Variants in GAS2 observed in about 807,000 individuals in gnomAD.
GAS2 encodes the protein growth arrest-specific protein 2.
GAS2 carries 20 observed loss-of-function variants against 37.5 expected under a neutral mutation model. The ratio of observed to expected loss-of-function variants is 0.53; its 90% CI spans 0.37 to 0.77. The LOEUF is 0.77. GAS2 is among the 30% of genes least tolerant of loss of function. The pLI, the probability that GAS2 is intolerant of heterozygous loss-of-function variation, is 0.00. For missense variants in GAS2, 336 were observed against 373.4 expected (o/e 0.90, Z 0.82); for synonymous variants, 144 against 132.2 (o/e 1.09, Z -0.61).
chr11:22,789,425 G>GAGAT (rs1435201668), intron 7 of GAS2, among the ~76,000 whole-genome samples: 2 of 30,662 alleles, frequency 6.5e-5, no homozygotes, highest in African/African-American at 1.8e-4. Context: ...TCTCATATGA[G>GAGAT]ATATATATAT....
chr11:22,803,997 G>A (rs986351285), intron 7 of GAS2, among the ~76,000 whole-genome samples: 10 of 151,746 alleles, frequency 6.6e-5, no homozygotes, highest in Non-Finnish European at 1.2e-4. Context: ...ATTGTGAGAT[G>A]CATGTAACAG....
At chr11:22,764,490 G>A (rs10741951) in intron 7 of GAS2, among the ~76,000 whole-genome samples, 111,143 of 148,892 alleles carry the variant, frequency 0.75, 42,469 homozygotes, top group Middle Eastern at 0.88. Flanking sequence ...AGCCCGGGAG[G>A]CGGAGCTTGC....
intron 1 of GAS2, among the ~76,000 whole-genome samples, chr11:22,657,547 TCA>T (rs1344816216): frequency 6.6e-6 from 1 of 151,556 alleles, no homozygotes; most frequent in Non-Finnish European, 1.5e-5. Flanking sequence ...CACCACCCCC[TCA>T]CACACACTCA....
rs374315473 is a variant in GAS2 at position 22,700,698 on chromosome 11, C to T, written c.267+14909C>T. Among the ~76,000 whole-genome samples, 14 of 152,168 alleles carry T rather than the reference C, an allele frequency of 9.2e-5. No individual in the cohort carries two copies. In the South Asian group the frequency reaches 2.9e-3, roughly 32 times the overall value. On this transcript the variant is annotated intron_variant, in intron 3 of 7. Transcript: ENST00000454584. ...ATGATAAAAATGAGCATATTTATATCCAATGGTTCATTCAGTTTGAGGATT... is the reference window on the plus strand; with the variant it reads ...ATGATAAAAATGAGCATATTTATATTCAATGGTTCATTCAGTTTGAGGATT...
chr11:22,721,964 C>T (rs190690933), intron 3 of GAS2, among the ~76,000 whole-genome samples: 84 of 152,054 alleles, frequency 5.5e-4, no homozygotes, highest in African/African-American at 2.0e-3. Flanking sequence ...AATTAATTTG[C>T]ACCCCCATAC....
intron 6 of GAS2, among the ~76,000 whole-genome samples, chr11:22,755,327 G>GA (rs1359127744): frequency 6.6e-6 from 1 of 151,978 alleles, no homozygotes; most frequent in Non-Finnish European, 1.5e-5. Flanking sequence ...AATTCTTAGA[G>GA]AAAATCTTAG....
intron 7 of GAS2, among the ~76,000 whole-genome samples, chr11:22,771,452 C>T (rs1854976562): frequency 1.3e-5 from 2 of 152,248 alleles, no homozygotes; most frequent in Non-Finnish European, 2.9e-5. Flanking sequence ...ACCTCCACCA[C>T]ATTTTTTGCT....
At chr11:22,649,925 T>C (rs906600139) in intron 1 of GAS2, among the ~76,000 whole-genome samples, 9 of 152,156 alleles carry the variant, frequency 5.9e-5, no homozygotes, top group African/African-American at 9.7e-5. Flanking sequence ...CCTTCAGTTC[T>C]GCTCTGATTT....
intron 5 of GAS2, among the ~76,000 whole-genome samples, chr11:22,748,042 A>C (rs1853507114): frequency 1.3e-5 from 2 of 152,172 alleles, no homozygotes. Flanking sequence ...GTACTAAAAC[A>C]TTGTCAACAT....
chr11:22,775,050 A>C (rs1260367342), intron 7 of GAS2, among the ~76,000 whole-genome samples: 1 of 152,148 alleles, frequency 6.6e-6, no homozygotes, highest in Non-Finnish European at 1.5e-5. Flanking sequence ...GTGGGCAACG[A>C]GAGGCTGGTG....
At chr11:22,798,014 T>C (rs1856508401) in intron 7 of GAS2, among the ~76,000 whole-genome samples, 1 of 152,066 alleles carries the variant, frequency 6.6e-6, no homozygotes, top group South Asian at 2.1e-4. Context: ...TTAGGATGTA[T>C]AGTTGAGTGG....
At chr11:22,772,345 C>T (rs1332398881) in intron 7 of GAS2, among the ~76,000 whole-genome samples, 1 of 152,142 alleles carries the variant, frequency 6.6e-6, no homozygotes, top group African/African-American at 2.4e-5. Flanking sequence ...AGGTTTTCTT[C>T]AAATAATATG....
At chr11:22,699,216 T>A (rs1011207203) in intron 3 of GAS2, among the ~76,000 whole-genome samples, 1 of 152,148 alleles carries the variant, frequency 6.6e-6, no homozygotes, top group Non-Finnish European at 1.5e-5. Context: ...AAAGATGAAT[T>A]TATTGAGATA....
At position 22,696,699 on chromosome 11, in the gene GAS2, A is replaced by G. The variant is rs1342616036; in HGVS notation, c.267+10910A>G. Among the ~76,000 whole-genome samples, 1,074 of 144,556 alleles carry G rather than the reference A, an allele frequency of 7.4e-3. 17 individuals carry two copies. Among genetic ancestry groups the G allele is most frequent in the African/African-American group, 0.025 (984 of 39,740 alleles). The allele number at this position is 144,556 out of a possible 152,430, so 94.8% of individuals were successfully genotyped here. ...TGCATTTCTCTGATGGCCAGTGATG[A>G]TGAGCATTTTTTCATGTGTTTTTTG... On this transcript the variant is annotated intron_variant, in intron 3 of 7. Transcript: ENST00000454584.
chr11:22,635,611 C>T (rs1858811302), intron 1 of GAS2, among the ~76,000 whole-genome samples: 1 of 152,208 alleles, frequency 6.6e-6, no homozygotes, highest in African/African-American at 2.4e-5. Context: ...CCAGGTCCTG[C>T]ACCTGTGGCT....
At position 22,753,030 on chromosome 11, in the gene GAS2, A is replaced by G. The variant is rs536943716; in HGVS notation, c.616-2816A>G. Among the ~76,000 whole-genome samples, 8 of 152,228 alleles carry G rather than the reference A, an allele frequency of 5.3e-5. No individual in the cohort carries two copies. In the South Asian group the frequency reaches 1.4e-3, roughly 28 times the overall value. ...CTCTTCGCGAGCTAGTTCTCACACA[A>G]TGAGTTGAATACAGTTCTCAGAAAT... On this transcript the variant is annotated intron_variant, in intron 6 of 7. Coordinates refer to ENST00000454584, the MANE Select transcript of GAS2 (RefSeq NM_001143830.3).
At chr11:22,741,103 C>T (rs1374851225) in intron 5 of GAS2, among the ~76,000 whole-genome samples, 1 of 152,150 alleles carries the variant, frequency 6.6e-6, no homozygotes. Context: ...GCCATGTTTT[C>T]CTCTCGGGAC....
intron 4 of GAS2, among the ~76,000 whole-genome samples, chr11:22,727,757 G>A (rs1412431888): frequency 6.6e-6 from 1 of 152,006 alleles, no homozygotes; most frequent in African/African-American, 2.4e-5. Flanking sequence ...TTTGGTGGAA[G>A]ATGTGTGCGT....
chr11:22,750,315 G>T (rs1465720972), intron 6 of GAS2, among the ~76,000 whole-genome samples: 1 of 152,124 alleles, frequency 6.6e-6, no homozygotes, highest in African/African-American at 2.4e-5. Context: ...ACAGGATGCA[G>T]AAAAAGAGAT....
Sources: allele counts gnomAD v4.1 joint callset (sites outside exome capture counted in the v4.1 genomes callset), GRCh38; gene constraint gnomAD v4.1.1; transcripts MANE v1.5; gene names NCBI Gene and HGNC (gene_info 2026-07-23, HGNC 2026-07-21).